Variants in PHEX observed in about 807,000 individuals in gnomAD.
PHEX encodes the protein phosphate regulating endopeptidase X-linked, also known as phosphate-regulating neutral endopeptidase PHEX.
Under a neutral mutation model 68.0 loss-of-function variants are expected in PHEX, and 16 were observed. The ratio of observed to expected loss-of-function variants is 0.24; its 90% CI spans 0.16 to 0.36. The LOEUF is 0.36. PHEX is among the 10% of genes least tolerant of loss of function. The pLI is 1.00. For synonymous variants in PHEX, 208 were observed against 205.1 expected, an observed-to-expected ratio of 1.01 and a Z score of -0.12; for missense variants, 480 against 575.5, an observed-to-expected ratio of 0.83 and a Z score of 1.70.
intron 9 of PHEX, among the ~76,000 whole-genome samples, chrX:22,107,690 C>A (rs1569395073): frequency 8.9e-6 from 1 of 112,170 alleles, no homozygotes; most frequent in East Asian, 2.8e-4. Flanking sequence ...ATGAAGCCTA[C>A]TCTTAACCCT....
rs750158456 is a variant in PHEX, at chrX:22,209,197, G to GGT, written c.1646-3693_1646-3692dup. 3.3e-3 allele frequency among the ~76,000 whole-genome samples: 363 copies of GGT among 110,254 alleles called. 2 individuals carry two copies. The highest frequency in any genetic ancestry group is 0.01 in the African/African-American group (316 of 30,283). The stretch of plus-strand genomic sequence containing the variant: ...GAACTGAGGCAGTTGGTCATGTTGA[G>GGT]GTGTGTGTGTGTGTGCATTTTGGGT... On this transcript the variant is annotated intron_variant, in intron 15 of 21. Transcript: ENST00000379374.
chrX:22,191,339 T>A (rs1934194398), intron 15 of PHEX, among the ~76,000 whole-genome samples: 1 of 112,515 alleles, frequency 8.9e-6, no homozygotes, highest in Admixed American at 9.4e-5. Context: ...TAAAAAATTA[T>A]TAAGATCTGA....
At chrX:22,113,431 A>G (rs1931081666) in intron 10 of PHEX, among the ~76,000 whole-genome samples, 2 of 111,485 alleles carry the variant, frequency 1.8e-5, no homozygotes, top group Non-Finnish European at 1.9e-5. Context: ...CTGCACCCCC[A>G]GCTTCCAAGG....
intron 2 of PHEX, among the ~76,000 whole-genome samples, chrX:22,042,408 T>C (rs1167247151): frequency 8.9e-6 from 1 of 112,168 alleles, no homozygotes; most frequent in Non-Finnish European, 1.9e-5. Context: ...CTGGGCTAAA[T>C]ATATAGCCAC....
rs1797798942 is a variant in PHEX at position 22,102,242 on chromosome X, A to G, written c.1079+3091A>G. Reference sequence around the variant, plus strand: ...CCCTCTGCTATCCTTCCCAACCTCCAGTAACCACCCTTCTATTCTCTATCT... The same window carrying G: ...CCCTCTGCTATCCTTCCCAACCTCCGGTAACCACCCTTCTATTCTCTATCT... On this transcript the variant is annotated intron_variant, in intron 9 of 21. Coordinates refer to ENST00000379374, the MANE Select transcript of PHEX (RefSeq NM_000444.6). 2.7e-5 allele frequency among the ~76,000 whole-genome samples: 3 copies of G among 111,031 alleles called. No homozygotes were observed. The Admixed American group carries it at 2.9e-4, about 11-fold the overall frequency.
chrX:22,086,271 C>T (rs1359255680), intron 5 of PHEX, among the ~76,000 whole-genome samples: 3 of 111,991 alleles, frequency 2.7e-5, no homozygotes, highest in Non-Finnish European at 3.8e-5. Context: ...GGCCGAGTTA[C>T]GGAGCAGAGT....
At chrX:22,216,553 C>T (rs1935103718) in intron 16 of PHEX, among the ~76,000 whole-genome samples, 1 of 109,123 alleles carries the variant, frequency 9.2e-6, no homozygotes, top group Admixed American at 9.8e-5. Context: ...GAGTTTTGCT[C>T]TTGTTGCCCA....
chrX:22,136,879 A>G (rs769441890), intron 12 of PHEX, among the ~76,000 whole-genome samples: 3 of 103,304 alleles, frequency 2.9e-5, no homozygotes, highest in Non-Finnish European at 4.1e-5. Flanking sequence ...AGAGGTCACG[A>G]GTAGTTTTTG....
chrX:22,154,090 C>T (rs184005788), intron 12 of PHEX, among the ~76,000 whole-genome samples: 1 of 109,533 alleles, frequency 9.1e-6, no homozygotes, highest in East Asian at 2.8e-4. Context: ...ACCTGAGGCA[C>T]GTTAGAAAAT....
chrX:22,122,984 A>ATTT (rs34894623), intron 11 of PHEX, among the ~76,000 whole-genome samples: 26 of 72,258 alleles, frequency 3.6e-4, no homozygotes, highest in African/African-American at 1.6e-3. Flanking sequence ...TAGGGTCTGC[A>ATTT]TTTTTTTTTT....
chrX:22,163,856 G>A (rs1933222038), intron 12 of PHEX, among the ~76,000 whole-genome samples: 1 of 111,626 alleles, frequency 9.0e-6, no homozygotes, highest in Admixed American at 9.6e-5. Flanking sequence ...GCCTTACTTA[G>A]GGTTCATTCA....
At chrX:22,099,812 C>T in intron 9 of PHEX, among the ~76,000 whole-genome samples, 1 of 112,121 alleles carries the variant, frequency 8.9e-6, no homozygotes, top group Non-Finnish European at 1.9e-5. Flanking sequence ...AATGAATCAA[C>T]GAGTTTACAA....
chrX:22,200,287 A>G (rs1247508817), intron 15 of PHEX, among the ~76,000 whole-genome samples: 2 of 112,366 alleles, frequency 1.8e-5, no homozygotes, highest in Non-Finnish European at 3.8e-5. Flanking sequence ...TACACTGTTC[A>G]AAACTGGATA....
At chrX:22,212,785 C>A in intron 15 of PHEX, 119 bp from the exon 16 acceptor site, 1 of 573,671 alleles carries the variant, frequency 1.7e-6, no homozygotes, top group Non-Finnish European at 3.2e-6. Context: ...AGAGGGCTCC[C>A]AGTGCCAGGA....
chrX:22,212,746 T>C (rs767268068), intron 15 of PHEX, among the ~76,000 whole-genome samples, 158 bp from the exon 16 acceptor site: 3 of 112,295 alleles, frequency 2.7e-5, no homozygotes, highest in Non-Finnish European at 5.6e-5. Flanking sequence ...CTCAGTTGAA[T>C]TGATATCATT....
intron 15 of PHEX, among the ~76,000 whole-genome samples, chrX:22,192,753 T>C (rs946610937): frequency 8.9e-6 from 1 of 111,878 alleles, no homozygotes; most frequent in Non-Finnish European, 1.9e-5. Flanking sequence ...CATCCTGCCT[T>C]CCCTCTGGCC....
At chrX:22,150,607 T>C (rs759423659) in intron 12 of PHEX, among the ~76,000 whole-genome samples, 1 of 112,228 alleles carries the variant, frequency 8.9e-6, no homozygotes, top group African/African-American at 3.2e-5. Flanking sequence ...AAAACTTTAT[T>C]TATAACACCA....
intron 5 of PHEX, among the ~76,000 whole-genome samples, chrX:22,089,589 T>A (rs1287688604): frequency 9.2e-6 from 1 of 109,138 alleles, no homozygotes; most frequent in Non-Finnish European, 1.9e-5. Context: ...CCTGGCTAAT[T>A]TTTATATTCT....
At chrX:22,168,466 C>T in intron 13 of PHEX, 77 bp downstream of exon 13, 1 of 655,871 alleles carries the variant, frequency 1.5e-6, no homozygotes. Context: ...AACCCAAGTC[C>T]TAGCAATTAA....
Sources: allele counts gnomAD v4.1 joint callset (sites outside exome capture counted in the v4.1 genomes callset), GRCh38; gene constraint gnomAD v4.1.1; transcripts MANE v1.5; gene names NCBI Gene and HGNC (gene_info 2026-07-23, HGNC 2026-07-21).